ATG7: variants seen among roughly 807,000 people sequenced by gnomAD.
ATG7 encodes the protein autophagy related 7, also known as ubiquitin-like modifier-activating enzyme ATG7.
ATG7 carries 70 observed loss-of-function variants against 82.4 expected under a neutral mutation model. The ratio of observed to expected loss-of-function variants is 0.85; its 90% CI spans 0.70 to 1.04. The LOEUF (loss-of-function observed/expected upper bound fraction) is 1.04. ATG7 is among the 50% of genes least tolerant of loss of function. ATG7 has a pLI of 0.00. For synonymous variants in ATG7, 287 were observed against 313.0 expected (o/e 0.92, Z 0.88); for missense variants, 792 against 864.3 (o/e 0.92, Z 1.05).
chr3:11,412,469 G>A (rs2081004143), intron 19 of ATG7, among the ~76,000 whole-genome samples: 1 of 152,084 alleles, frequency 6.6e-6, no homozygotes, highest in Admixed American at 6.6e-5. Flanking sequence ...CTGTATCTGT[G>A]AGGATTGTTT....
intron 20 of ATG7, among the ~76,000 whole-genome samples, chr3:11,549,595 G>C (rs568219635): frequency 6.6e-6 from 1 of 152,182 alleles, no homozygotes; most frequent in African/African-American, 2.4e-5. Flanking sequence ...TAATGGCTTA[G>C]GAGTATCCAC....
chr3:11,568,648 A>C, the ATG7 span: 2 of 1,566,674 alleles, frequency 1.3e-6, no homozygotes, highest in South Asian at 2.3e-5. The surrounding 1 kb of genome is among the most constrained non-coding windows in gnomAD (Gnocchi z 5.9). Flanking sequence ...CAAGACAGAC[A>C]TTGTTTTCCA....
chr3:11,494,482 A>G (rs1056932557), intron 20 of ATG7, among the ~76,000 whole-genome samples: 3 of 152,370 alleles, frequency 2.0e-5, no homozygotes, highest in South Asian at 2.1e-4. Flanking sequence ...AAAAGAAATC[A>G]TAAACATCGG....
chr3:11,491,148 T>C (rs1336302724), intron 20 of ATG7, among the ~76,000 whole-genome samples: 2 of 152,242 alleles, frequency 1.3e-5, no homozygotes, highest in Non-Finnish European at 2.9e-5. Context: ...TAGTCCCATA[T>C]TTCTTGGAGG....
At chr3:11,480,042 C>T (rs1401089467) in intron 20 of ATG7, among the ~76,000 whole-genome samples, 1 of 152,048 alleles carries the variant, frequency 6.6e-6, no homozygotes, top group East Asian at 1.9e-4. Flanking sequence ...ATTCTCCTGC[C>T]TCAGCCTCCC....
chr3:11,486,466 A>G (rs1293592805), intron 20 of ATG7, among the ~76,000 whole-genome samples: 1 of 151,964 alleles, frequency 6.6e-6, no homozygotes, highest in African/African-American at 2.4e-5. Context: ...CTAGATATAC[A>G]ACCATGTCAT....
intron 20 of ATG7, among the ~76,000 whole-genome samples, chr3:11,478,506 T>G (rs932697488): frequency 2.0e-5 from 3 of 152,340 alleles, no homozygotes; most frequent in South Asian, 2.1e-4. Context: ...ATTTGGAATC[T>G]GGGGTTCCAG....
At chr3:11,458,772 G>T (rs1159367467) in intron 20 of ATG7, among the ~76,000 whole-genome samples, 2 of 152,166 alleles carry the variant, frequency 1.3e-5, no homozygotes, top group Non-Finnish European at 2.9e-5. Flanking sequence ...TAGTTGAGGG[G>T]TCCCCAACCC....
chr3:11,343,309 A>G (rs962842995), intron 13 of ATG7, among the ~76,000 whole-genome samples: 7 of 152,216 alleles, frequency 4.6e-5, no homozygotes, highest in African/African-American at 1.2e-4. Context: ...CTCTTGCCAA[A>G]ACTGGATATA....
rs1954806972 is a variant in ATG7 at position 11,347,910 on chromosome 3, A to C, written c.1159A>C (p.Asn387His). The C allele has an allele frequency of 6.2e-7, 1 of 1,614,146 alleles. No individual in the cohort carries two copies. Among genetic ancestry groups the C allele is most frequent in the East Asian group, 2.2e-5 (1 of 44,890 alleles). The change falls in exon 14 of 21, where the codon AAT becomes CAT. Residue 387 changes from asparagine to histidine, a missense_variant. Coordinates refer to ENST00000693202, the MANE Select transcript of ATG7 (RefSeq NM_001349232.2). Reference sequence around the variant, plus strand: ...CGTGAGACACATCACATTTGTGGACAATGCCAAGATCTCCTACTCCAATCC... The same window carrying C: ...CGTGAGACACATCACATTTGTGGACCATGCCAAGATCTCCTACTCCAATCC... ...WGVRHITFVDNAKISYSNPVR... is the reference protein window; with the variant it reads ...WGVRHITFVDHAKISYSNPVR...
At chr3:11,443,894 C>G (rs2084250724) in intron 20 of ATG7, among the ~76,000 whole-genome samples, 1 of 151,994 alleles carries the variant, frequency 6.6e-6, no homozygotes, top group Non-Finnish European at 1.5e-5. Context: ...AATTAAACAC[C>G]CAGGTCAAAA....
At chr3:11,567,832 A>C in the ATG7 span, among the ~76,000 whole-genome samples, 1 of 152,230 alleles carries the variant, frequency 6.6e-6, no homozygotes, top group African/African-American at 2.4e-5. Context: ...AGATAAAGAT[A>C]CAATTTTATT....
chr3:11,378,301 G>A (rs2077586909), intron 18 of ATG7, among the ~76,000 whole-genome samples: 1 of 151,256 alleles, frequency 6.6e-6, no homozygotes, highest in Admixed American at 6.6e-5. Flanking sequence ...ACAGACGTGA[G>A]CCACTGTGCC....
intron 16 of ATG7, among the ~76,000 whole-genome samples, chr3:11,362,506 A>G (rs560069358): frequency 2.6e-5 from 4 of 152,208 alleles, no homozygotes; most frequent in Non-Finnish European, 5.9e-5. Flanking sequence ...GAATTGAGTC[A>G]CTTAAAGGAA....
At chr3:11,464,473 A>T (rs1195052234) in intron 20 of ATG7, among the ~76,000 whole-genome samples, 2 of 152,222 alleles carry the variant, frequency 1.3e-5, no homozygotes, top group African/African-American at 4.8e-5. Flanking sequence ...CCCTCGGTAA[A>T]GTACGGGGGG....
intron 20 of ATG7, among the ~76,000 whole-genome samples, chr3:11,505,506 CAAAGAGAGGAA>C (rs972057402): frequency 1.3e-4 from 20 of 152,240 alleles, no homozygotes; most frequent in African/African-American, 4.3e-4. Context: ...GAATTGATCT[CAAAGAGAGGAA>C]AATGAGAGGT....
At chr3:11,375,269 A>G (rs1038402243) in intron 18 of ATG7, among the ~76,000 whole-genome samples, 1 of 152,308 alleles carries the variant, frequency 6.6e-6, no homozygotes, top group Admixed American at 6.6e-5. Context: ...GATATATTTG[A>G]TAAGAAACCT....
intron 9 of ATG7, 39 bp from the exon 10 acceptor site, chr3:11,331,301 T>C (rs751247904): frequency 1.4e-6 from 2 of 1,474,492 alleles, no homozygotes; most frequent in East Asian, 2.3e-5. Flanking sequence ...GAAGCTGACA[T>C]GATACTCGAC....
intron 19 of ATG7, among the ~76,000 whole-genome samples, chr3:11,401,376 T>C (rs140424673): frequency 9.2e-5 from 14 of 152,356 alleles, no homozygotes; most frequent in African/African-American, 2.9e-4. Flanking sequence ...ATCTTTGGTT[T>C]GGCTTATGTC....
Sources: allele counts gnomAD v4.1 joint callset (sites outside exome capture counted in the v4.1 genomes callset), GRCh38; gene constraint gnomAD v4.1.1; non-coding constraint Gnocchi (gnomAD v3.1); transcripts MANE v1.5; gene names NCBI Gene and HGNC (gene_info 2026-07-23, HGNC 2026-07-21).